PCDH15: variants seen among roughly 807,000 people sequenced by gnomAD.
PCDH15 encodes the protein protocadherin-15.
In PCDH15, 129 loss-of-function variants were observed where a neutral mutation model predicts 178.5. The observed-to-expected ratio is 0.72, with a 90% CI of 0.63 to 0.84. The LOEUF (loss-of-function observed/expected upper bound fraction) is 0.84. Among genes scored for constraint, PCDH15 ranks in the 40% least tolerant of loss-of-function variants. PCDH15 has a pLI of 0.00. For missense variants in PCDH15, 2,230 were observed against 2,099.9 expected (o/e 1.06, Z -1.21); for synonymous variants, 800 against 732.0 (o/e 1.09, Z -1.50).
At chr10:54,313,845 T>C (rs2061057678) in intron 8 of PCDH15, among the ~76,000 whole-genome samples, 1 of 152,078 alleles carries the variant, frequency 6.6e-6, no homozygotes, top group Non-Finnish European at 1.5e-5. Context: ...CAGTCTGTAA[T>C]CTGGAGAGGA....
At chr10:54,471,585 G>A (rs1002716927) in intron 3 of PCDH15, among the ~76,000 whole-genome samples, 19 of 151,662 alleles carry the variant, frequency 1.3e-4, no homozygotes, top group Admixed American at 3.9e-4. Context: ...TTGGCATATA[G>A]TAGGCATTTA....
At chr10:54,470,047 T>A (rs1438674646) in intron 3 of PCDH15, among the ~76,000 whole-genome samples, 1 of 152,098 alleles carries the variant, frequency 6.6e-6, no homozygotes, top group Non-Finnish European at 1.5e-5. Flanking sequence ...CTACATCACA[T>A]GGGCCTTCCC....
chr10:55,570,216 T>C, intron 2 of PCDH15, among the ~76,000 whole-genome samples: 1 of 152,006 alleles, frequency 6.6e-6, no homozygotes, highest in Non-Finnish European at 1.5e-5. Flanking sequence ...TAGTCATGTT[T>C]AGAAAAGACC....
intron 2 of PCDH15, among the ~76,000 whole-genome samples, chr10:55,498,061 C>T (rs904924973): frequency 1.3e-5 from 2 of 151,656 alleles, no homozygotes; most frequent in Admixed American, 6.6e-5. Context: ...AAATGGATTC[C>T]AAAGATTCCA....
intron 1 of PCDH15, among the ~76,000 whole-genome samples, chr10:54,705,608 A>C (rs988429667): frequency 6.6e-6 from 1 of 152,146 alleles, no homozygotes; most frequent in Non-Finnish European, 1.5e-5. Flanking sequence ...TGACCATAGC[A>C]CCACTATTAT....
chr10:55,395,168 C>CGTGT (rs35472682), intron 2 of PCDH15, among the ~76,000 whole-genome samples: 420 of 127,680 alleles, frequency 3.3e-3, no homozygotes, highest in African/African-American at 6.8e-3. Flanking sequence ...TATTTAACTG[C>CGTGT]GTGTGTGTGT....
intron 2 of PCDH15, among the ~76,000 whole-genome samples, chr10:55,050,293 A>G (rs779945907): frequency 6.6e-6 from 1 of 152,110 alleles, no homozygotes; most frequent in African/African-American, 2.4e-5. Context: ...ATTATGGGTT[A>G]GTAACCTTAA....
intron 27 of PCDH15, among the ~76,000 whole-genome samples, chr10:53,857,979 A>C (rs1354726628): frequency 6.6e-6 from 1 of 152,076 alleles, no homozygotes; most frequent in African/African-American, 2.4e-5. Flanking sequence ...CTATCAACAG[A>C]ATCAGGTTGT....
At chr10:55,393,983 CTTTT>C (rs150421744) in intron 2 of PCDH15, among the ~76,000 whole-genome samples, 25 of 151,556 alleles carry the variant, frequency 1.6e-4, no homozygotes, top group African/African-American at 6.1e-4. Context: ...ATATATATAA[CTTTT>C]TTTTTCTCCA....
chr10:54,299,529 C>A (rs1386069602), intron 8 of PCDH15, among the ~76,000 whole-genome samples: 1 of 152,114 alleles, frequency 6.6e-6, no homozygotes, highest in Non-Finnish European at 1.5e-5. Flanking sequence ...AGGGTGTAGC[C>A]CAAAAGCACT....
chr10:55,069,201 TGTA>T (rs2132009913), intron 2 of PCDH15, among the ~76,000 whole-genome samples: 3 of 151,490 alleles, frequency 2.0e-5, no homozygotes, highest in African/African-American at 7.3e-5. Context: ...GCACCCAGAC[TGTA>T]TTATCTTTTT....
chr10:54,067,972 A>T (rs952171898), intron 17 of PCDH15, among the ~76,000 whole-genome samples: 1 of 140,480 alleles, frequency 7.1e-6, no homozygotes. Context: ...TTTATTTTTT[A>T]TTTTTTTTTA....
chr10:55,626,565 C>T (rs16915045), intron 2 of PCDH15, among the ~76,000 whole-genome samples: 11,280 of 152,084 alleles, frequency 0.074, 872 homozygotes, highest in East Asian at 0.31. Flanking sequence ...GTTAACTTGC[C>T]GCTCTCTTTA....
chr10:54,119,385 T>C lies in PCDH15; in HGVS notation c.1917+13490A>G, dbSNP rs377677691. Among the ~76,000 whole-genome samples the C allele has an allele frequency of 3.9e-5, 6 of 152,054 alleles. No individual in the cohort carries two copies. In the East Asian group the frequency reaches 5.8e-4, roughly 15 times the overall value. Reference sequence around the variant, plus strand: ...TTATTAATAGACTGGATCTATCAGATAAAAGAATTTAAGAGCTTGAAGATA... The same window carrying C: ...TTATTAATAGACTGGATCTATCAGACAAAAGAATTTAAGAGCTTGAAGATA... On this transcript the variant is annotated intron_variant, in intron 15 of 37. Transcript: ENST00000644397.
chr10:55,291,644 G>A (rs1344840024), intron 1 of PCDH15, among the ~76,000 whole-genome samples: 1 of 152,166 alleles, frequency 6.6e-6, no homozygotes, highest in African/African-American at 2.4e-5. Flanking sequence ...CAAGCTCTCA[G>A]ATGATGACTG....
At chr10:54,636,947 A>G (rs978730060) in intron 2 of PCDH15, among the ~76,000 whole-genome samples, 2 of 151,982 alleles carry the variant, frequency 1.3e-5, no homozygotes, top group African/African-American at 2.4e-5. Context: ...ATGATGTAAT[A>G]TAAGTAAACA....
At chr10:53,946,874 T>C (rs1411574677) in intron 23 of PCDH15, among the ~76,000 whole-genome samples, 1 of 152,138 alleles carries the variant, frequency 6.6e-6, no homozygotes, top group Non-Finnish European at 1.5e-5. Context: ...GGCTCCCACG[T>C]TCAAGCAATT....
intron 8 of PCDH15, among the ~76,000 whole-genome samples, chr10:54,242,661 T>A (rs1326791937): frequency 6.6e-6 from 1 of 152,158 alleles, no homozygotes; most frequent in East Asian, 1.9e-4. Context: ...GCTTCCAGCC[T>A]TGGTTGAGAT....
At chr10:55,607,832 G>A (rs1414215941) in intron 2 of PCDH15, among the ~76,000 whole-genome samples, 4 of 149,520 alleles carry the variant, frequency 2.7e-5, no homozygotes, top group Admixed American at 1.3e-4. Flanking sequence ...GCACCAGCAT[G>A]GCACATGTAT....
Sources: gnomAD v4.1 joint callset for allele counts (sites outside exome capture counted in the v4.1 genomes callset) on GRCh38, gnomAD v4.1.1 for gene constraint, MANE v1.5 for transcripts, NCBI Gene and HGNC (gene_info 2026-07-23, HGNC 2026-07-21) for gene names.